The following DRICH1 variants were observed in gnomAD, a reference collection of about 807,000 sequenced individuals.
DRICH1 encodes the protein aspartate rich 1.
A neutral mutation model predicts 39.5 loss-of-function variants in DRICH1; 38 were observed. The observed-to-expected ratio is 0.96, with a 90% confidence interval of 0.74 to 1.26. The LOEUF is 1.26. Ranked by LOEUF, DRICH1 falls within the 50% of genes most tolerant of loss-of-function variation. The probability of loss-of-function intolerance (pLI) is 0.00; values close to 1 mark genes in which losing one functional copy is unlikely to be tolerated. For synonymous variants in DRICH1, 84 were observed against 99.5 expected (o/e 0.84, Z 0.93); for missense variants, 279 against 270.4 (o/e 1.03, Z -0.22).
chr22:23,582,244 T>TG, the DRICH1 span, among the ~76,000 whole-genome samples: 1 of 150,124 alleles, frequency 6.7e-6, no homozygotes, highest in Non-Finnish European at 1.5e-5. Flanking sequence ...CCCAAAGTGC[T>TG]GGGTTTACAG....
intron 3 of DRICH1, among the ~76,000 whole-genome samples, chr22:23,623,207 C>G (rs555583653): frequency 1.4e-4 from 22 of 152,216 alleles, no homozygotes; most frequent in Middle Eastern, 3.4e-3. Context: ...AAGATTGAGA[C>G]CATCCCGGCC....
intron 11 of DRICH1, 119 bp from the exon 12 acceptor site, chr22:23,608,887 G>A: frequency 2.7e-6 from 3 of 1,094,894 alleles, no homozygotes; most frequent in Non-Finnish European, 4.1e-6. Context: ...CTGCAGTCCA[G>A]GCTGAGGAGA....
intron 3 of DRICH1, chr22:23,624,384 CAT>C: frequency 1.0e-6 from 1 of 964,850 alleles, no homozygotes. Flanking sequence ...AGCCCATAAA[CAT>C]AATACTTCTC....
chr22:23,623,894 A>C (rs2123788921), intron 3 of DRICH1: 1 of 946,108 alleles, frequency 1.1e-6, no homozygotes, highest in South Asian at 4.8e-5. Flanking sequence ...CAATGAGGAA[A>C]GGAAAGTCTC....
chr22:23,627,643 G>C lies in DRICH1; in HGVS notation c.209-1595C>G, dbSNP rs144388352. Among the ~76,000 whole-genome samples, 948 of 152,270 alleles carry C rather than the reference G, an allele frequency of 6.2e-3. 10 individuals are homozygous for C. Among genetic ancestry groups the C allele is most frequent in the African/African-American group, 0.021 (875 of 41,556 alleles). On this transcript the variant is annotated intron_variant, in intron 1 of 11. Coordinates refer to ENST00000317749, the MANE Select transcript of DRICH1 (RefSeq NM_016449.4). ...TCCAGGTCCAGAGGGATTCCAGCAG[G>C]GGGTGCACGTGCACACAGGGGAAGA...
chr22:23,617,362 GA>G (rs200716828), intron 7 of DRICH1, among the ~76,000 whole-genome samples: 3,017 of 152,210 alleles, frequency 0.02, 87 homozygotes, highest in African/African-American at 0.068. Flanking sequence ...AAAGTGCCTT[GA>G]ACCGGTCTAG....
At chr22:23,592,999 T>C in the DRICH1 span, among the ~76,000 whole-genome samples, 1 of 150,564 alleles carries the variant, frequency 6.6e-6, no homozygotes. Context: ...GTCACTGCAC[T>C]CCAGCCTGGC....
chr22:23,624,898 G>C lies in DRICH1; in HGVS notation c.283C>G (p.Pro95Ala). The C allele has an allele frequency of 1.2e-6, 2 of 1,613,584 alleles. No individual in the cohort carries two copies. Among genetic ancestry groups the C allele is most frequent in the Non-Finnish European group, 1.7e-6 (2 of 1,179,520 alleles). Residue 95 changes from proline (P) to alanine (A), a missense_variant, in exon 3 of 12, where the codon CCA (proline) becomes GCA (alanine). Transcript: ENST00000317749. ...AGGTACGTACCCTGGACAGGTGATG[G>C]TAAAATCTGCAATGAGACAAAAGAA... is the stretch of plus-strand genomic sequence containing the variant. ...EEDNDDAKIL[P>A]SPVQGSSEDN...
chr22:23,616,923 A>C, intron 7 of DRICH1, 49 bp from the exon 8 acceptor site: 3 of 1,596,800 alleles, frequency 1.9e-6, no homozygotes, highest in Non-Finnish European at 2.6e-6. Flanking sequence ...CAATTCTGCC[A>C]CACCCCTTAC....
chr22:23,599,491 T>C, the DRICH1 span, among the ~76,000 whole-genome samples: 2 of 152,264 alleles, frequency 1.3e-5, no homozygotes, highest in South Asian at 4.2e-4. Context: ...GGCCCAGCCA[T>C]GCGGCAGAAT....
At chr22:23,616,734 A>G in intron 8 of DRICH1, 119 bp downstream of exon 8, 1 of 1,336,342 alleles carries the variant, frequency 7.5e-7, no homozygotes, top group Non-Finnish European at 1.1e-6. Context: ...ATACACTTGC[A>G]GAATCATTTG....
intron 2 of DRICH1, 47 bp from the exon 3 acceptor site, chr22:23,624,951 C>A: frequency 1.3e-6 from 2 of 1,595,348 alleles, no homozygotes; most frequent in Non-Finnish European, 1.7e-6. Flanking sequence ...ATCAATTCTG[C>A]TGCACCCCCT....
Position 23,608,641 on chromosome 22 carries a change from G to T in DRICH1, c.*123C>A. 1 of 1,020,548 alleles carries T rather than the reference G, an allele frequency of 9.8e-7. No individual in the cohort carries two copies. The highest frequency in any genetic ancestry group is 1.5e-6 in the Non-Finnish European group (1 of 670,394). 63.2% of individuals were successfully genotyped at this position (1,020,548 alleles called of 1,614,324 possible). Reference sequence around the variant, plus strand: ...AGCCTTGGACTTTTTCTCTCTGCTGGGACCAAGAGTTTTCCTCAGAATGTA... The same window carrying T: ...AGCCTTGGACTTTTTCTCTCTGCTGTGACCAAGAGTTTTCCTCAGAATGTA... On this transcript the variant is annotated 3_prime_UTR_variant, in exon 12 of 12. Transcript: ENST00000317749.
intron 7 of DRICH1, among the ~76,000 whole-genome samples, chr22:23,617,288 A>G (rs949743687): frequency 2.0e-5 from 3 of 152,212 alleles, no homozygotes; most frequent in African/African-American, 7.2e-5. Context: ...TTATATCAAA[A>G]TTAATTGAGA....
chr22:23,608,391 T>C (rs989514265), downstream of DRICH1: 15 of 272,946 alleles, frequency 5.5e-5, 1 homozygote, highest in Admixed American at 4.5e-4. Flanking sequence ...ATCGATGTCA[T>C]TGAGTGGAAA....
chr22:23,581,073 G>T, the DRICH1 span: 1 of 152,144 alleles, frequency 6.6e-6, no homozygotes, highest in Non-Finnish European at 1.5e-5. Context: ...ACACACGTCC[G>T]TCATCTCACA....
chr22:23,607,800 A>G (rs568787972), downstream of DRICH1, among the ~76,000 whole-genome samples: 37 of 152,248 alleles, frequency 2.4e-4, 1 homozygote, highest in South Asian at 6.0e-3. Context: ...GCATCCTCCT[A>G]TGTCCACTGT....
chr22:23,592,853 CA>C, the DRICH1 span, among the ~76,000 whole-genome samples: 1 of 150,630 alleles, frequency 6.6e-6, no homozygotes. Flanking sequence ...CACACACACA[CA>C]CACACACACA....
At chr22:23,594,345 G>T in the DRICH1 span, among the ~76,000 whole-genome samples, 6 of 152,208 alleles carry the variant, frequency 3.9e-5, no homozygotes, top group Non-Finnish European at 7.3e-5. Context: ...AAGGGAGGTG[G>T]ATCACCTGAG....
Sources: allele counts gnomAD v4.1 joint callset (sites outside exome capture counted in the v4.1 genomes callset), GRCh38; gene constraint gnomAD v4.1.1; transcripts MANE v1.5; gene names NCBI Gene and HGNC (gene_info 2026-07-23, HGNC 2026-07-21).